Variants in STXBP5 observed in about 807,000 individuals in gnomAD.
STXBP5 encodes the protein syntaxin binding protein 5, also known as syntaxin-binding protein 5.
STXBP5 carries 50 observed loss-of-function variants against 152.4 expected under a neutral mutation model. The ratio of observed to expected loss-of-function variants is 0.33; its 90% CI spans 0.26 to 0.42. The LOEUF is 0.42. Ranked by LOEUF, STXBP5 falls within the 10% of genes least tolerant of loss-of-function variation. The pLI, the probability that STXBP5 is intolerant of heterozygous loss-of-function variation, is 1.00. For synonymous variants in STXBP5, 492 were observed against 494.7 expected, an observed-to-expected ratio of 0.99 and a Z score of 0.07; for missense variants, 1,167 against 1,388.6, an observed-to-expected ratio of 0.84 and a Z score of 2.54.
chr6:147,264,549 A>T (rs1779795458), intron 6 of STXBP5, among the ~76,000 whole-genome samples: 1 of 152,108 alleles, frequency 6.6e-6, no homozygotes, highest in Non-Finnish European at 1.5e-5. Context: ...ACTCTCTGTT[A>T]TGCTAAGCTT....
rs1478262634 is a variant in STXBP5, at chr6:147,316,383, T to G, written c.1778T>G (p.Leu593Arg). 6.4e-7 allele frequency: 1 copy of G among 1,570,530 alleles called. No individual in the cohort carries two copies. Among genetic ancestry groups the G allele is most frequent in the Non-Finnish European group, 8.6e-7 (1 of 1,163,172 alleles). ...ACCAGTAGCAGTTCATCTGATGGGC[T>G]TCGTGATAATGTACCTTGTTTAAAG... Reference protein sequence around the residue: ...PSTSSSSSDGLRDNVPCLKVK... With the variant: ...PSTSSSSSDGRRDNVPCLKVK... The change falls in exon 16 of 28, where the codon CTT (leucine) becomes CGT (arginine). Residue 593 changes from leucine (L) to arginine (R), a missense_variant. Physicochemically the swap from Leu to Arg is moderately radical, Grantham distance 102. Coordinates refer to ENST00000321680, the MANE Select transcript of STXBP5 (RefSeq NM_001127715.4).
At chr6:147,304,186 GA>G (rs1781971582) in intron 9 of STXBP5, among the ~76,000 whole-genome samples, 1 of 152,206 alleles carries the variant, frequency 6.6e-6, no homozygotes, top group East Asian at 1.9e-4. Flanking sequence ...AGGCCTAGGA[GA>G]AAAAAATGTT....
chr6:147,214,086 GCTTT>G (rs1426605797), intron 2 of STXBP5, among the ~76,000 whole-genome samples: 1 of 152,118 alleles, frequency 6.6e-6, no homozygotes, highest in Admixed American at 6.5e-5. Flanking sequence ...AAGTTATGGT[GCTTT>G]CTAATTTAGT....
In STXBP5 at chr6:147,322,467, G is replaced by A. The variant is rs747118306; in HGVS notation, c.1803-2492G>A. Among the ~76,000 whole-genome samples the A allele has an allele frequency of 4.6e-5, 7 of 152,280 alleles. No homozygotes were observed. In the East Asian group the frequency reaches 5.8e-4, roughly 13 times the overall value. On this transcript the variant is annotated intron_variant, in intron 16 of 27. Coordinates refer to ENST00000321680, the MANE Select transcript of STXBP5 (RefSeq NM_001127715.4). ...TTACCCTGAAGTCTGAACAACTTTC[G>A]CTGTTTCCTAGCATGTATGTCATCA... is the stretch of plus-strand genomic sequence containing the variant.
chr6:147,239,207 A>G lies in STXBP5; in HGVS notation c.368A>G (p.His123Arg). ...LVSALADDTL[H>R]LWNLRQKRPA... is the part of the protein sequence containing the mutation. Reference sequence around the variant, plus strand: ...AGTGCCTTGGCTGATGACACCTTACACTTATGGAATTTACGTCAGAAGAGG... The same window carrying G: ...AGTGCCTTGGCTGATGACACCTTACGCTTATGGAATTTACGTCAGAAGAGG... Residue 123 changes from histidine to arginine, a missense_variant, in exon 4 of 28, where the codon CAC becomes CGC. Transcript: ENST00000321680. 3 of 1,613,652 alleles carry G rather than the reference A, an allele frequency of 1.9e-6. No individual in the cohort carries two copies. Among genetic ancestry groups the G allele is most frequent in the Non-Finnish European group, 2.5e-6 (3 of 1,179,762 alleles).
At chr6:147,357,343 G>T (rs1784860801) in intron 22 of STXBP5, among the ~76,000 whole-genome samples, 1 of 152,062 alleles carries the variant, frequency 6.6e-6, no homozygotes, top group Non-Finnish European at 1.5e-5. Context: ...GTAGGTAAGT[G>T]CAGGTTATGT....
At chr6:147,210,390 G>A (rs1466793144) in intron 2 of STXBP5, among the ~76,000 whole-genome samples, 2 of 151,998 alleles carry the variant, frequency 1.3e-5, no homozygotes, top group African/African-American at 4.8e-5. Context: ...TCACTGTTTT[G>A]TTTTGGTTTT....
At chr6:147,322,632 C>T (rs1782993603) in intron 16 of STXBP5, among the ~76,000 whole-genome samples, 1 of 152,172 alleles carries the variant, frequency 6.6e-6, no homozygotes, top group African/African-American at 2.4e-5. Context: ...CATTTCAAGG[C>T]AGAAGCCTTA....
At chr6:147,221,704 A>T (rs1290695770) in intron 2 of STXBP5, among the ~76,000 whole-genome samples, 1 of 145,172 alleles carries the variant, frequency 6.9e-6, no homozygotes, top group East Asian at 2.1e-4. Flanking sequence ...TAATCTTTGG[A>T]TTTCTGCAAT....
intron 2 of STXBP5, among the ~76,000 whole-genome samples, chr6:147,218,411 T>C (rs1373499074): frequency 6.6e-6 from 1 of 152,200 alleles, no homozygotes; most frequent in East Asian, 1.9e-4. Context: ...TTTCAAATAA[T>C]TTCAAATTAA....
chr6:147,365,790 T>C lies in STXBP5; in HGVS notation c.3081+1624T>C, dbSNP rs148357682. Among the ~76,000 whole-genome samples, 51 of 152,330 alleles carry C rather than the reference T, an allele frequency of 3.3e-4. 1 individual carries two copies. In the East Asian group the frequency reaches 8.1e-3, roughly 24 times the overall value. On this transcript the variant is annotated intron_variant, in intron 25 of 27. Coordinates refer to ENST00000321680, the MANE Select transcript of STXBP5 (RefSeq NM_001127715.4). The stretch of plus-strand genomic sequence containing the variant: ...TGATAAACACTATACCTTGGTTCCC[T>C]GAGTACCCTTTTACATTGTGCATTC...
intron 25 of STXBP5, among the ~76,000 whole-genome samples, chr6:147,368,765 T>C (rs190408645): frequency 6.6e-6 from 1 of 152,142 alleles, no homozygotes; most frequent in Admixed American, 6.5e-5. Context: ...GATTATGAGA[T>C]AAATATACAA....
chr6:147,372,406 C>CTTTTTTTTTTTTTTTTTTTTTTTTTT lies in STXBP5; in HGVS notation c.3082-1325_3082-1324insTTTTTTTTTTTTTTTTTTTTTTTTTT, dbSNP rs1583009383. ...ATATAAATGTTACTACCGTCCTTTT[C>CTTTTTTTTTTTTTTTTTTTTTTTTTT]CTTTTTTTTTTTTTTTTTTTTTTTT... On this transcript the variant is annotated intron_variant, in intron 25 of 27. Transcript: ENST00000321680. 1.4e-3 allele frequency among the ~76,000 whole-genome samples: 56 copies of CTTTTTTTTTTTTTTTTTTTTTTTTTT among 39,108 alleles called. 27 individuals are homozygous for CTTTTTTTTTTTTTTTTTTTTTTTTTT. Among genetic ancestry groups the CTTTTTTTTTTTTTTTTTTTTTTTTTT allele is most frequent in the South Asian group, 2.5e-3 (2 of 786 alleles). The allele number at this position is 39,108 out of a possible 152,430, so 25.7% of individuals were successfully genotyped here. A position where few individuals can be genotyped will look rare whatever the true frequency, so the allele number is the denominator to read the frequency against.
chr6:147,326,482 A>T (rs1020384385), intron 17 of STXBP5, among the ~76,000 whole-genome samples: 1 of 152,184 alleles, frequency 6.6e-6, no homozygotes, highest in Non-Finnish European at 1.5e-5. Flanking sequence ...GCTTTTCCTC[A>T]TTAGATGTGC....
chr6:147,292,135 C>A, intron 9 of STXBP5: 1 of 383,820 alleles, frequency 2.6e-6, no homozygotes, highest in Non-Finnish European at 5.1e-6. Context: ...GATATTACAA[C>A]TGGCCCACTC....
At position 147,313,988 on chromosome 6, in the gene STXBP5, A is replaced by T; in HGVS notation, c.1250A>T (p.Tyr417Phe). ...CCTGTGGACCTTATTCCTGCACTTTATTCTGTTGGAGCTAGACAGAAACGT... is the reference window on the plus strand; with the variant it reads ...CCTGTGGACCTTATTCCTGCACTTTTTTCTGTTGGAGCTAGACAGAAACGT... The part of the protein sequence containing the change: ...DCPVDLIPAL[Y>F]SVGARQKRQG... The change falls in exon 12 of 28, where the codon TAT (tyrosine) becomes TTT (phenylalanine). Residue 417 changes from tyrosine (Y) to phenylalanine (F), a missense_variant. By Grantham distance (22) the Tyr-to-Phe change is conservative. Transcript: ENST00000321680. The T allele has an allele frequency of 6.2e-7, 1 of 1,601,390 alleles. No individual in the cohort carries two copies. Among genetic ancestry groups the T allele is most frequent in the East Asian group, 2.2e-5 (1 of 44,708 alleles).
intron 4 of STXBP5, among the ~76,000 whole-genome samples, chr6:147,247,416 A>G (rs1778864158): frequency 6.6e-6 from 1 of 152,226 alleles, no homozygotes; most frequent in South Asian, 2.1e-4. Context: ...TGATCTACAA[A>G]GACAACTGGT....
chr6:147,250,741 A>G lies in STXBP5; in HGVS notation c.432-9874A>G, dbSNP rs190861499. Among the ~76,000 whole-genome samples the G allele has an allele frequency of 5.1e-4, 78 of 152,280 alleles. No individual in the cohort carries two copies. The East Asian group carries it at 0.013, about 26-fold the overall frequency. ...ATTGTATCCTATTGTTGGATGTATC[A>G]TGACAGTTCTGCTGTTTTATTGATA... On this transcript the variant is annotated intron_variant, in intron 4 of 27. Coordinates refer to ENST00000321680, the MANE Select transcript of STXBP5 (RefSeq NM_001127715.4).
chr6:147,313,909 C>T lies in STXBP5; in HGVS notation c.1171C>T (p.Pro391Ser). The T allele has an allele frequency of 3.2e-6, 5 of 1,566,490 alleles. No homozygotes were observed. The highest frequency in any genetic ancestry group is 3.5e-6 in the Non-Finnish European group (4 of 1,148,688). ...NGYPIFENPYPLSIHESPVTC... is the reference protein window; with the variant it reads ...NGYPIFENPYSLSIHESPVTC... ...ATATCCTATATTTGAAAATCCCTACCCTTTGAGTATACATGAGTCCCCTGT... is the reference window on the plus strand; with the variant it reads ...ATATCCTATATTTGAAAATCCCTACTCTTTGAGTATACATGAGTCCCCTGT... The change falls in exon 12 of 28, where the codon CCT becomes TCT. Residue 391 changes from proline (P) to serine (S), a missense_variant. Around this residue, in one of 3 missense-constraint regions of STXBP5, gnomAD observed 833 missense variants for 986.3 expected, o/e 0.84. Coordinates refer to ENST00000321680, the MANE Select transcript of STXBP5 (RefSeq NM_001127715.4).
Sources: gnomAD v4.1 joint callset for allele counts (sites outside exome capture counted in the v4.1 genomes callset) on GRCh38, gnomAD v4.1.1 for gene constraint, gnomAD v4.1.1 regional missense constraint, MANE v1.5 for transcripts, NCBI Gene and HGNC (gene_info 2026-07-23, HGNC 2026-07-21) for gene names.